SAXO1: variants seen among roughly 807,000 people sequenced by gnomAD.
SAXO1 encodes 4930500O09Rik.
In SAXO1, 21 loss-of-function variants were observed where a neutral mutation model predicts 17.5. The ratio of observed to expected loss-of-function variants is 1.20; its 90% CI spans 0.85 to 1.72. The LOEUF (loss-of-function observed/expected upper bound fraction) is 1.72. SAXO1 is among the 40% of genes most tolerant of loss of function. The pLI, the probability that SAXO1 is intolerant of heterozygous loss-of-function variation, is 0.00. For missense variants in SAXO1, 843 were observed against 596.0 expected (o/e 1.41, Z -4.32); for synonymous variants, 274 against 216.5 (o/e 1.27, Z -2.33).
At chr9:19,026,313 G>A (rs544678998) in intron 1 of SAXO1, among the ~76,000 whole-genome samples, 1 of 152,276 alleles carries the variant, frequency 6.6e-6, no homozygotes, top group African/African-American at 2.4e-5. Flanking sequence ...AGCAGTGTCT[G>A]ATACCCAGTA....
chr9:19,000,941 G>C (rs1417674405), intron 1 of SAXO1, among the ~76,000 whole-genome samples: 1 of 152,040 alleles, frequency 6.6e-6, no homozygotes. Context: ...CATAAAGCAA[G>C]TTCTTAGAGA....
In SAXO1 at chr9:18,928,120, G is replaced by A. The variant is rs186047443; in HGVS notation, c.1357C>T (p.Gln453Ter). Residue 453 changes from glutamine (Q) to a stop codon, truncating the protein, a stop_gained, in exon 4 of 4, where the codon CAG becomes TAG. Transcript: ENST00000380534. LOFTEE classifies it low-confidence loss of function (END_TRUNC). ...YKPVSQAGSQ[Q>*]SSHLSVDDSE... is the part of the protein sequence containing the mutation. ...TCATCTACAGAAAGATGGCTGCTCT[G>A]CTGAGAGCCTGCCTGGGAAACTGGT... is the stretch of plus-strand genomic sequence containing the variant. The A allele has an allele frequency of 2.1e-5, 34 of 1,614,162 alleles. No homozygotes were observed. In the East Asian group the frequency reaches 4.0e-4, roughly 19 times the overall value.
At chr9:19,045,599 C>G (rs961586567) in intron 1 of SAXO1, among the ~76,000 whole-genome samples, 11 of 152,176 alleles carry the variant, frequency 7.2e-5, no homozygotes, top group Non-Finnish European at 4.4e-5. Context: ...TGCTATTAAT[C>G]AGGCTTATAC....
At chr9:18,997,733 C>T (rs1262388701) in intron 1 of SAXO1, among the ~76,000 whole-genome samples, 2 of 152,184 alleles carry the variant, frequency 1.3e-5, no homozygotes, top group African/African-American at 2.4e-5. Context: ...ATACTTCATA[C>T]AGGTGGGTGC....
At chr9:19,016,602 G>A (rs1434726384) in intron 1 of SAXO1, among the ~76,000 whole-genome samples, 1 of 152,124 alleles carries the variant, frequency 6.6e-6, no homozygotes, top group Admixed American at 6.5e-5. Flanking sequence ...CTGGCATCCA[G>A]TGGGTAGTGG....
In SAXO1 at chr9:18,928,463, G is replaced by C. The variant is rs766212562; in HGVS notation, c.1014C>G (p.Ser338=). The change falls in exon 4 of 4, where the codon TCC becomes TCG. Residue 338 remains serine, a synonymous_variant. Coordinates refer to ENST00000380534, the MANE Select transcript of SAXO1 (RefSeq NM_153707.4). ...IKKCGRFEGS[S]TTKDDYKQWS... is the part of the protein sequence containing the mutation. ...ACTGCTTGTAGTCATCCTTGGTGGT[G>C]GAAGAGCCTTCAAAGCGACCGCACT... 3.1e-6 allele frequency: 5 copies of C among 1,612,126 alleles called. No individual in the cohort carries two copies. Among genetic ancestry groups the C allele is most frequent in the Non-Finnish European group, 3.4e-6 (4 of 1,178,958 alleles).
chr9:19,027,931 T>A, intron 1 of SAXO1: 1 of 1,419,268 alleles, frequency 7.0e-7, no homozygotes, highest in South Asian at 1.2e-5. Context: ...TCCCAAAAGA[T>A]GAACGTCAGT....
chr9:19,006,798 C>A (rs1040935473), intron 1 of SAXO1, among the ~76,000 whole-genome samples: 3 of 152,086 alleles, frequency 2.0e-5, no homozygotes, highest in Non-Finnish European at 2.9e-5. Context: ...ATAATCCTAG[C>A]CCTCTGGGAG....
chr9:19,042,288 A>C (rs911319793), intron 1 of SAXO1, among the ~76,000 whole-genome samples: 1 of 152,230 alleles, frequency 6.6e-6, no homozygotes, highest in Non-Finnish European at 1.5e-5. Flanking sequence ...AATGATGGGC[A>C]ATAACAAATG....
Position 18,928,996 on chromosome 9 carries a change from G to A in SAXO1, c.481C>T (p.Gln161Ter), listed in dbSNP as rs371315663. The A allele has an allele frequency of 5.0e-6, 8 of 1,614,156 alleles. No individual in the cohort carries two copies. The highest frequency in any genetic ancestry group is 1.7e-5 in the Admixed American group (1 of 60,012). The change falls in exon 4 of 4, where the codon CAG becomes TAG. Residue 161 changes from glutamine (Q) to a stop codon, truncating the protein, a stop_gained. Transcript: ENST00000380534. LOFTEE classifies it low-confidence loss of function (END_TRUNC). ...TTATCAAACCTGACTGATGCCGGCT[G>A]GTATTTGTGTTCCAGACGAAGTGGC... ...REPLRLEHKY[Q>*]PASVRFDNRT...
chr9:18,939,998 A>T (rs1831482914), intron 3 of SAXO1, among the ~76,000 whole-genome samples: 1 of 152,108 alleles, frequency 6.6e-6, no homozygotes, highest in South Asian at 2.1e-4. Context: ...GGAAAACAGG[A>T]TTAGGGCTTT....
At chr9:19,033,315 G>A (rs1465098191), upstream of SAXO1, 1 of 184,548 alleles carries the variant, frequency 5.4e-6, no homozygotes, top group Non-Finnish European at 1.1e-5. Flanking sequence ...AGCCGCTTGT[G>A]AGGTCGGGAA....
intron 1 of SAXO1, among the ~76,000 whole-genome samples, chr9:19,023,288 C>T (rs1483051563): frequency 6.6e-6 from 1 of 152,138 alleles, no homozygotes; most frequent in East Asian, 1.9e-4. Context: ...CTCAAGTGCT[C>T]AGGCAAGTAC....
At chr9:18,962,607 T>C (rs1397258346) in intron 1 of SAXO1, among the ~76,000 whole-genome samples, 1 of 152,168 alleles carries the variant, frequency 6.6e-6, no homozygotes, top group Non-Finnish European at 1.5e-5. Flanking sequence ...ATAGTTTCTT[T>C]TGTGTGCAGA....
At chr9:19,045,943 C>G (rs1334779584) in intron 1 of SAXO1, among the ~76,000 whole-genome samples, 7 of 152,160 alleles carry the variant, frequency 4.6e-5, no homozygotes, top group Admixed American at 6.5e-5. Context: ...CAAAAGTAGC[C>G]GGGCCTGGGG....
chr9:18,944,045 C>T (rs1193282283), intron 2 of SAXO1, among the ~76,000 whole-genome samples: 1 of 152,226 alleles, frequency 6.6e-6, no homozygotes. Context: ...CAGACAAAAG[C>T]CCAAAACCAA....
chr9:18,936,148 G>A (rs1476248865), intron 3 of SAXO1, among the ~76,000 whole-genome samples: 2 of 152,094 alleles, frequency 1.3e-5, no homozygotes, highest in Non-Finnish European at 2.9e-5. Context: ...CTCATCTCCA[G>A]AAGTCCTGAT....
At chr9:18,984,821 T>C (rs1256483978) in intron 1 of SAXO1, among the ~76,000 whole-genome samples, 1 of 152,204 alleles carries the variant, frequency 6.6e-6, no homozygotes, top group Non-Finnish European at 1.5e-5. Flanking sequence ...CAAGAACTTT[T>C]CCTTTGCATT....
intron 3 of SAXO1, among the ~76,000 whole-genome samples, chr9:18,937,142 T>C (rs1363050987): frequency 6.6e-6 from 1 of 152,204 alleles, no homozygotes; most frequent in South Asian, 2.1e-4. Flanking sequence ...CACAAACATG[T>C]CACCCAAGGG....
Sources: gnomAD v4.1 joint callset for allele counts (sites outside exome capture counted in the v4.1 genomes callset) on GRCh38, gnomAD v4.1.1 for gene constraint, MANE v1.5 for transcripts, NCBI Gene and HGNC (gene_info 2026-07-23, HGNC 2026-07-21) for gene names.